DOK6: variants seen among roughly 807,000 people sequenced by gnomAD.
The protein encoded by DOK6 is docking protein 6.
In DOK6, 22 loss-of-function variants were observed where a neutral mutation model predicts 44.0. That is an observed-to-expected ratio of 0.50 (90% confidence interval 0.36 to 0.71). DOK6 has a LOEUF of 0.71. Among genes scored for constraint, DOK6 ranks in the 30% least tolerant of loss-of-function variants. The pLI, the probability that DOK6 is intolerant of heterozygous loss-of-function variation, is 0.00. For missense variants in DOK6, 340 were observed against 416.4 expected, an observed-to-expected ratio of 0.82 and a Z score of 1.60; for synonymous variants, 166 against 145.5, an observed-to-expected ratio of 1.14 and a Z score of -1.01.
intron 1 of DOK6, among the ~76,000 whole-genome samples, chr18:69,492,465 G>A (rs2144540759): frequency 6.6e-6 from 1 of 151,560 alleles, no homozygotes; most frequent in East Asian, 1.9e-4. Flanking sequence ...GCATAGATGT[G>A]CAGGTTTGTT....
chr18:69,835,975 A>G (rs936736196), intron 7 of DOK6, among the ~76,000 whole-genome samples: 1 of 152,186 alleles, frequency 6.6e-6, no homozygotes, highest in African/African-American at 2.4e-5. Flanking sequence ...ATCAAGAATA[A>G]AATCAGTGTT....
At chr18:69,405,352 G>T (rs145755171) in intron 1 of DOK6, among the ~76,000 whole-genome samples, 3 of 152,240 alleles carry the variant, frequency 2.0e-5, no homozygotes, top group Non-Finnish European at 4.4e-5. Flanking sequence ...GGACACGGTG[G>T]CTCACGCCTG....
chr18:69,510,533 C>A (rs74623971), intron 1 of DOK6, among the ~76,000 whole-genome samples: 36,338 of 151,762 alleles, frequency 0.24, 4,468 homozygotes, highest in Non-Finnish European at 0.26. Context: ...CCAAACAGAG[C>A]GCCAAATGTT....
At chr18:69,774,383 A>C (rs1005123179) in intron 7 of DOK6, among the ~76,000 whole-genome samples, 1 of 151,572 alleles carries the variant, frequency 6.6e-6, no homozygotes, top group African/African-American at 2.4e-5. Context: ...GTGAGGGATA[A>C]AGGACTACAA....
chr18:69,430,641 C>G (rs1260452268), intron 1 of DOK6, among the ~76,000 whole-genome samples: 1 of 152,020 alleles, frequency 6.6e-6, no homozygotes, highest in Non-Finnish European at 1.5e-5. Context: ...AGAGTATATG[C>G]AATGCTTTAT....
At chr18:69,478,326 G>A (rs1980324835) in intron 1 of DOK6, among the ~76,000 whole-genome samples, 1 of 152,082 alleles carries the variant, frequency 6.6e-6, no homozygotes, top group African/African-American at 2.4e-5. Flanking sequence ...TTTCTTGTAC[G>A]TTGAACATAA....
chr18:69,651,299 C>T (rs1376497723), intron 3 of DOK6, among the ~76,000 whole-genome samples: 1 of 152,056 alleles, frequency 6.6e-6, no homozygotes, highest in East Asian at 1.9e-4. Context: ...AATCCAATGG[C>T]TCCCTCAAGA....
chr18:69,533,821 G>T (rs1455972042), intron 1 of DOK6, among the ~76,000 whole-genome samples: 2 of 151,582 alleles, frequency 1.3e-5, no homozygotes. Context: ...TTGTTACATT[G>T]GATTTTAAAT....
chr18:69,705,451 G>C (rs1329869188), intron 5 of DOK6, among the ~76,000 whole-genome samples: 1 of 152,120 alleles, frequency 6.6e-6, no homozygotes, highest in African/African-American at 2.4e-5. Flanking sequence ...CTTTTGATTT[G>C]AAAGGTGCCT....
intron 1 of DOK6, among the ~76,000 whole-genome samples, chr18:69,477,172 T>C (rs927818731): frequency 2.0e-5 from 3 of 152,192 alleles, no homozygotes; most frequent in Admixed American, 6.5e-5. Flanking sequence ...GTTTGAAATA[T>C]GTATTTGACG....
At chr18:69,634,520 G>C (rs1246497760) in intron 3 of DOK6, among the ~76,000 whole-genome samples, 2 of 152,196 alleles carry the variant, frequency 1.3e-5, no homozygotes, top group African/African-American at 2.4e-5. Flanking sequence ...AAGTGAATTA[G>C]ATAAGATGAT....
chr18:69,816,584 T>C (rs1459914923), intron 7 of DOK6, among the ~76,000 whole-genome samples: 1 of 152,200 alleles, frequency 6.6e-6, no homozygotes, highest in Admixed American at 6.5e-5. Context: ...TTTACAGGAG[T>C]AAATAAATAC....
At chr18:69,636,740 C>T (rs140925342) in intron 3 of DOK6, among the ~76,000 whole-genome samples, 4 of 152,256 alleles carry the variant, frequency 2.6e-5, no homozygotes, top group African/African-American at 9.6e-5. Flanking sequence ...TCAGTATTTG[C>T]CTTAAACTTA....
intron 1 of DOK6, among the ~76,000 whole-genome samples, chr18:69,433,516 G>A (rs1000716499): frequency 6.6e-6 from 1 of 152,060 alleles, no homozygotes; most frequent in Admixed American, 6.6e-5. Context: ...AATTATTCCA[G>A]ATAGAGATAA....
chr18:69,748,460 T>A (rs1979061857), intron 6 of DOK6, among the ~76,000 whole-genome samples: 1 of 152,022 alleles, frequency 6.6e-6, no homozygotes, highest in African/African-American at 2.4e-5. Flanking sequence ...CTAAAATTTA[T>A]CCCATAATTG....
chr18:69,630,152 C>G (rs1321657658), intron 3 of DOK6, among the ~76,000 whole-genome samples: 1 of 151,928 alleles, frequency 6.6e-6, no homozygotes, highest in Non-Finnish European at 1.5e-5. Flanking sequence ...TAATGAAAAC[C>G]TATTAGGTTA....
chr18:69,679,785 TG>T (rs1257146025), intron 4 of DOK6, among the ~76,000 whole-genome samples: 1 of 152,256 alleles, frequency 6.6e-6, no homozygotes, highest in East Asian at 1.9e-4. Flanking sequence ...TGTACTTCTT[TG>T]GTTTATCATA....
chr18:69,446,325 C>T (rs1313301532), intron 1 of DOK6, among the ~76,000 whole-genome samples: 5 of 150,906 alleles, frequency 3.3e-5, no homozygotes, highest in Non-Finnish European at 4.4e-5. Flanking sequence ...TTTGTCCTTG[C>T]GATAGTTTGC....
chr18:69,649,480 GC>G (rs1483306224), intron 3 of DOK6, among the ~76,000 whole-genome samples: 1 of 152,152 alleles, frequency 6.6e-6, no homozygotes, highest in Non-Finnish European at 1.5e-5. Context: ...CCAGGGATTT[GC>G]GGCTTCTTTT....
Sources: allele counts gnomAD v4.1 joint callset (sites outside exome capture counted in the v4.1 genomes callset), GRCh38; gene constraint gnomAD v4.1.1; transcripts MANE v1.5; gene names NCBI Gene and HGNC (gene_info 2026-07-23, HGNC 2026-07-21).